The following UVRAG variants were observed in gnomAD, a reference collection of about 807,000 sequenced individuals.
UVRAG encodes the protein UV radiation resistance associated.
UVRAG carries 19 observed loss-of-function variants against 78.0 expected under a neutral mutation model. That is an observed-to-expected ratio of 0.24 (90% CI 0.17 to 0.36). The LOEUF (loss-of-function observed/expected upper bound fraction) is 0.36, where lower values mean the gene tolerates loss of function less well. UVRAG is among the 10% of genes least tolerant of loss of function. The pLI, the probability that UVRAG is intolerant of heterozygous loss-of-function variation, is 1.00. For missense variants in UVRAG, 740 were observed against 853.8 expected (o/e 0.87, Z 1.66); for synonymous variants, 323 against 324.6 (o/e 1.00, Z 0.05).
intron 8 of UVRAG, among the ~76,000 whole-genome samples, chr11:76,001,154 A>G (rs1949806273): frequency 6.6e-6 from 1 of 152,218 alleles, no homozygotes; most frequent in Non-Finnish European, 1.5e-5. Flanking sequence ...TCTCACCAAA[A>G]CAGAGTAAAC....
chr11:75,897,133 A>G (rs1947359722), intron 5 of UVRAG, among the ~76,000 whole-genome samples: 2 of 152,252 alleles, frequency 1.3e-5, no homozygotes, highest in African/African-American at 4.8e-5. Flanking sequence ...TGAAATAGCA[A>G]TTTGGTGATG....
chr11:76,062,654 C>CAG (rs1297348917), intron 12 of UVRAG, among the ~76,000 whole-genome samples: 1 of 152,152 alleles, frequency 6.6e-6, no homozygotes, highest in Non-Finnish European at 1.5e-5. Flanking sequence ...CTAAAGCATT[C>CAG]AGAGGCAGTA....
chr11:76,080,936 C>T (rs1201974854), intron 13 of UVRAG, among the ~76,000 whole-genome samples: 4 of 152,180 alleles, frequency 2.6e-5, no homozygotes, highest in Non-Finnish European at 5.9e-5. Context: ...AGTTTCTAGG[C>T]CTCAGTTTCC....
chr11:76,073,834 A>G (rs1414071301), intron 13 of UVRAG, among the ~76,000 whole-genome samples: 1 of 152,170 alleles, frequency 6.6e-6, no homozygotes, highest in Non-Finnish European at 1.5e-5. Context: ...CCATCTGAAA[A>G]AGCACTTAAA....
intron 5 of UVRAG, among the ~76,000 whole-genome samples, chr11:75,893,172 G>A (rs965351759): frequency 1.4e-5 from 2 of 143,696 alleles, no homozygotes; most frequent in African/African-American, 5.7e-5. Context: ...GCAAGACTCC[G>A]TCTCAAAAAA....
chr11:75,925,450 G>A (rs940638603), intron 6 of UVRAG, among the ~76,000 whole-genome samples: 1 of 152,164 alleles, frequency 6.6e-6, no homozygotes, highest in Admixed American at 6.5e-5. Flanking sequence ...TTTATCTATT[G>A]AGAGTGGACT....
chr11:75,992,227 T>C (rs555498982), intron 8 of UVRAG, among the ~76,000 whole-genome samples: 1 of 152,174 alleles, frequency 6.6e-6, no homozygotes, highest in Admixed American at 6.5e-5. Flanking sequence ...TTTATAGATA[T>C]CTCTTCTAGT....
chr11:75,900,243 G>A (rs1947461227), intron 5 of UVRAG, among the ~76,000 whole-genome samples: 1 of 152,110 alleles, frequency 6.6e-6, no homozygotes, highest in African/African-American at 2.4e-5. Context: ...ATTTTGTTTT[G>A]TTTAATATTT....
At chr11:75,916,336 T>C (rs2135045693) in intron 6 of UVRAG, 2 of 152,348 alleles carry the variant, frequency 1.3e-5, no homozygotes, top group Non-Finnish European at 2.9e-5. Context: ...TTAGGAATAT[T>C]GTTAGAATTA....
chr11:76,017,169 A>G (rs1286393426), intron 12 of UVRAG, among the ~76,000 whole-genome samples, 189 bp downstream of exon 12: 31 of 152,146 alleles, frequency 2.0e-4, no homozygotes. Context: ...TTAATGACTC[A>G]ACCCCTGGGC....
At chr11:76,039,816 A>G (rs1403810358) in intron 12 of UVRAG, among the ~76,000 whole-genome samples, 2 of 152,244 alleles carry the variant, frequency 1.3e-5, no homozygotes, top group African/African-American at 2.4e-5. Context: ...CGGAGGTTGC[A>G]GTGAGCCAAG....
intron 5 of UVRAG, among the ~76,000 whole-genome samples, chr11:75,890,589 C>A (rs1947193769): frequency 6.6e-6 from 1 of 152,134 alleles, no homozygotes; most frequent in Non-Finnish European, 1.5e-5. Flanking sequence ...GCGATTTGAT[C>A]CTGTGGAGTT....
intron 1 of UVRAG, among the ~76,000 whole-genome samples, chr11:75,850,498 T>C (rs1332292108): frequency 1.3e-5 from 2 of 152,168 alleles, no homozygotes; most frequent in African/African-American, 4.8e-5. Flanking sequence ...AAGGATGGTA[T>C]ATAGAGAAGT....
intron 1 of UVRAG, among the ~76,000 whole-genome samples, chr11:75,831,503 CAAAAA>C (rs376448104): frequency 7.7e-6 from 1 of 130,542 alleles, no homozygotes; most frequent in Non-Finnish European, 1.7e-5. Context: ...AACAAACAAA[CAAAAA>C]AAAAAAACAA....
At chr11:76,002,074 A>G (rs1949825052) in intron 8 of UVRAG, among the ~76,000 whole-genome samples, 1 of 152,228 alleles carries the variant, frequency 6.6e-6, no homozygotes, top group Non-Finnish European at 1.5e-5. Context: ...AACATCAGTC[A>G]TGTAGTATTC....
chr11:75,837,554 T>G (rs1426412194), intron 1 of UVRAG: 1 of 152,108 alleles, frequency 6.6e-6, no homozygotes, highest in East Asian at 1.9e-4. Context: ...TTCAGGCTAG[T>G]CAAGTGAGGA....
chr11:75,962,165 G>T (rs1385511718), intron 7 of UVRAG, among the ~76,000 whole-genome samples: 1 of 151,928 alleles, frequency 6.6e-6, no homozygotes, highest in Admixed American at 6.6e-5. Flanking sequence ...AAGCCACTTG[G>T]GTATGAATAG....
intron 1 of UVRAG, among the ~76,000 whole-genome samples, chr11:75,849,499 A>C (rs1470826573): frequency 6.6e-6 from 1 of 152,136 alleles, no homozygotes; most frequent in East Asian, 1.9e-4. Context: ...ATCTCAAAAA[A>C]AAAAAAAAAT....
intron 3 of UVRAG, among the ~76,000 whole-genome samples, chr11:75,869,792 A>G (rs1358369634): frequency 6.6e-6 from 1 of 152,240 alleles, no homozygotes; most frequent in Non-Finnish European, 1.5e-5. Context: ...TAAAATCAGT[A>G]TGCTATTCCA....
Sources: allele counts gnomAD v4.1 joint callset (sites outside exome capture counted in the v4.1 genomes callset), GRCh38; gene constraint gnomAD v4.1.1; transcripts MANE v1.5; gene names NCBI Gene and HGNC (gene_info 2026-07-23, HGNC 2026-07-21).